Variants in FTO observed in about 807,000 individuals in gnomAD.
FTO encodes alpha-ketoglutarate-dependent dioxygenase FTO.
FTO carries 47 observed loss-of-function variants against 63.9 expected under a neutral mutation model. The observed-to-expected ratio is 0.74, with a 90% confidence interval of 0.58 to 0.94. The LOEUF is 0.94. Ranked by LOEUF, FTO falls within the 40% of genes least tolerant of loss-of-function variation. FTO has a pLI of 0.00. For missense variants in FTO, 562 were observed against 618.1 expected (o/e 0.91, Z 0.96); for synonymous variants, 207 against 224.4 (o/e 0.92, Z 0.69).
intron 7 of FTO, among the ~76,000 whole-genome samples, chr16:53,914,437 A>G (rs1450425083): frequency 1.3e-5 from 2 of 152,114 alleles, no homozygotes; most frequent in Non-Finnish European, 2.9e-5. Flanking sequence ...AGTAAGTTAC[A>G]AGATTTTGCT....
chr16:53,816,845 A>G (rs1451885297), intron 2 of FTO, among the ~76,000 whole-genome samples: 2 of 152,206 alleles, frequency 1.3e-5, no homozygotes, highest in South Asian at 2.1e-4. Flanking sequence ...TTGCTAGGAC[A>G]TGAGCTTCTA....
chr16:53,940,599 T>C (rs1247484608), intron 8 of FTO, among the ~76,000 whole-genome samples: 4 of 152,170 alleles, frequency 2.6e-5, no homozygotes, highest in African/African-American at 9.7e-5. Context: ...CCTTTATAGC[T>C]CTTTAGCTTT....
At chr16:54,106,740 A>C (rs1383777933) in intron 8 of FTO, among the ~76,000 whole-genome samples, 1 of 135,852 alleles carries the variant, frequency 7.4e-6, no homozygotes, top group African/African-American at 2.7e-5. Flanking sequence ...TATTAAATAT[A>C]TAAAATATAT....
intron 1 of FTO, 27 bp downstream of exon 1, chr16:53,704,256 A>G (rs1333039207): frequency 6.5e-7 from 1 of 1,550,362 alleles, no homozygotes; most frequent in East Asian, 2.4e-5. Flanking sequence ...GGGCCTGGAG[A>G]TCTTCGTGCG....
intron 6 of FTO, among the ~76,000 whole-genome samples, chr16:53,888,150 C>T (rs893713419): frequency 6.6e-6 from 1 of 151,792 alleles, no homozygotes; most frequent in Non-Finnish European, 1.5e-5. Flanking sequence ...GTTTGAAAAC[C>T]CCTCTCTGGC....
intron 1 of FTO, among the ~76,000 whole-genome samples, chr16:53,714,561 G>T (rs750383799): frequency 6.6e-6 from 1 of 151,978 alleles, no homozygotes; most frequent in Non-Finnish European, 1.5e-5. Context: ...GAATAGCACC[G>T]GGCAAATGAA....
At chr16:54,024,458 G>C (rs2084670610) in intron 8 of FTO, among the ~76,000 whole-genome samples, 2 of 152,028 alleles carry the variant, frequency 1.3e-5, no homozygotes, top group Admixed American at 1.3e-4. Flanking sequence ...TCGAACTCCT[G>C]ACCTTGTGAT....
chr16:53,905,148 A>G (rs2081505207), intron 7 of FTO, among the ~76,000 whole-genome samples: 2 of 152,022 alleles, frequency 1.3e-5, no homozygotes, highest in Admixed American at 1.3e-4. Flanking sequence ...GTGTTATCTC[A>G]TGCTATGTTG....
intron 6 of FTO, among the ~76,000 whole-genome samples, chr16:53,880,674 A>G (rs548794081): frequency 3.9e-5 from 6 of 152,274 alleles, no homozygotes; most frequent in South Asian, 2.1e-4. Flanking sequence ...TGCAAGGGCC[A>G]GGCAAGCTCC....
At chr16:53,883,641 A>AAC (rs1353440638) in intron 6 of FTO, among the ~76,000 whole-genome samples, 6 of 149,492 alleles carry the variant, frequency 4.0e-5, no homozygotes, top group African/African-American at 1.5e-4. Context: ...AAAAACAAAA[A>AAC]AAAAAAAACA....
intron 7 of FTO, among the ~76,000 whole-genome samples, chr16:53,909,996 G>A (rs1436127502): frequency 6.6e-6 from 1 of 152,092 alleles, no homozygotes; most frequent in Non-Finnish European, 1.5e-5. Flanking sequence ...TCCTGCCTCA[G>A]CCTCCCAAAT....
chr16:53,844,352 T>G, intron 4 of FTO, 54 bp downstream of exon 4: 1 of 1,346,082 alleles, frequency 7.4e-7, no homozygotes, highest in Non-Finnish European at 1.1e-6. Flanking sequence ...AAATTTAGAT[T>G]ATAGGATTTA....
At chr16:53,915,615 T>A (rs1292936465) in intron 7 of FTO, among the ~76,000 whole-genome samples, 1 of 152,210 alleles carries the variant, frequency 6.6e-6, no homozygotes, top group Non-Finnish European at 1.5e-5. Flanking sequence ...TCTTTGTTAC[T>A]GAAACAAAAA....
intron 4 of FTO, among the ~76,000 whole-genome samples, chr16:53,865,326 C>T (rs548278561): frequency 2.6e-5 from 4 of 152,272 alleles, no homozygotes; most frequent in South Asian, 2.1e-4. Context: ...AGATGGCAAA[C>T]GGGAAGAGAG....
At chr16:53,878,233 G>A (rs1006055179) in intron 5 of FTO, among the ~76,000 whole-genome samples, 3 of 152,298 alleles carry the variant, frequency 2.0e-5, no homozygotes, top group African/African-American at 7.2e-5. Flanking sequence ...AGGAGGCAGA[G>A]GTTGCGGTGA....
intron 8 of FTO, among the ~76,000 whole-genome samples, chr16:54,085,782 G>A (rs1296551802): frequency 1.3e-5 from 2 of 152,050 alleles, no homozygotes; most frequent in Admixed American, 6.5e-5. Context: ...CATACCCTCC[G>A]ACTCGTCTCG....
At chr16:53,999,682 A>G (rs1317796641) in intron 8 of FTO, 1 of 152,182 alleles carries the variant, frequency 6.6e-6, no homozygotes, top group African/African-American at 2.4e-5. Flanking sequence ...TTATAACTTC[A>G]CTGACCTTCA....
chr16:53,704,623 T>A (rs1971890119), intron 1 of FTO, among the ~76,000 whole-genome samples: 1 of 152,210 alleles, frequency 6.6e-6, no homozygotes, highest in African/African-American at 2.4e-5. Context: ...TGCAGTCAGC[T>A]GTGTTTCTTT....
intron 7 of FTO, among the ~76,000 whole-genome samples, chr16:53,899,330 C>G (rs2081347809): frequency 6.6e-6 from 1 of 151,854 alleles, no homozygotes; most frequent in African/African-American, 2.4e-5. Context: ...TATTTGTGAT[C>G]ATCCTTCATA....
Sources: gnomAD v4.1 joint callset for allele counts (sites outside exome capture counted in the v4.1 genomes callset) on GRCh38, gnomAD v4.1.1 for gene constraint, MANE v1.5 for transcripts, NCBI Gene and HGNC (gene_info 2026-07-23, HGNC 2026-07-21) for gene names.